ZDHHC17: variants seen among roughly 807,000 people sequenced by gnomAD.
ZDHHC17 encodes palmitoyltransferase ZDHHC17.
ZDHHC17 carries 40 observed loss-of-function variants against 90.3 expected under a neutral mutation model. The ratio of observed to expected loss-of-function variants is 0.44; its 90% CI spans 0.34 to 0.58. ZDHHC17 has a LOEUF of 0.58. Ranked by LOEUF, ZDHHC17 falls within the 20% of genes least tolerant of loss-of-function variation. The pLI is 0.01. For missense variants in ZDHHC17, 614 were observed against 780.8 expected (o/e 0.79, Z 2.55); for synonymous variants, 235 against 252.4 (o/e 0.93, Z 0.65).
chr12:76,824,751 G>T (rs1953209969), intron 8 of ZDHHC17, among the ~76,000 whole-genome samples: 1 of 151,426 alleles, frequency 6.6e-6, no homozygotes. Flanking sequence ...GCAGAGGCAG[G>T]AGGATTGGTT....
intron 2 of ZDHHC17, among the ~76,000 whole-genome samples, chr12:76,798,360 A>G (rs928794080): frequency 2.0e-5 from 3 of 152,196 alleles, no homozygotes; most frequent in Admixed American, 2.0e-4. Flanking sequence ...AAATAACAAC[A>G]GTTATTTTCA....
At chr12:76,848,111 G>T in intron 14 of ZDHHC17, 122 bp from the exon 15 acceptor site, 5 of 938,932 alleles carry the variant, frequency 5.3e-6, no homozygotes, top group South Asian at 1.9e-5. Flanking sequence ...ATTTGCTATT[G>T]AATGTCATCA....
chr12:76,788,045 C>T (rs1952711942), intron 1 of ZDHHC17, among the ~76,000 whole-genome samples: 1 of 152,094 alleles, frequency 6.6e-6, no homozygotes, highest in African/African-American at 2.4e-5. Flanking sequence ...TGTGCATAGC[C>T]ACTGTACTCT....
chr12:76,820,983 A>G, intron 7 of ZDHHC17: 1 of 892,590 alleles, frequency 1.1e-6, no homozygotes, highest in South Asian at 1.4e-5. Flanking sequence ...GAATAAAAGA[A>G]CTATACAAAA....
chr12:76,848,401 A>C lies in ZDHHC17; in HGVS notation c.1665+11A>C, dbSNP rs370466018. On this transcript the variant is annotated intron_variant, in intron 15 of 16. Coordinates refer to ENST00000426126, the MANE Select transcript of ZDHHC17 (RefSeq NM_015336.4). ...TGTCAGATGTACCAGGTATGTGCAA[A>C]GGCATTCTTTTTAGTGCACTAAGTG... is the stretch of plus-strand genomic sequence containing the variant. 2 of 1,612,022 alleles carry C rather than the reference A, an allele frequency of 1.2e-6. No individual in the cohort carries two copies. Among genetic ancestry groups the C allele is most frequent in the Non-Finnish European group, 1.7e-6 (2 of 1,178,602 alleles).
chr12:76,785,272 TATC>T (rs1395757759), intron 1 of ZDHHC17, among the ~76,000 whole-genome samples: 2 of 152,336 alleles, frequency 1.3e-5, no homozygotes, highest in African/African-American at 4.8e-5. Flanking sequence ...GACTAGATGA[TATC>T]ATCATTTACA....
At chr12:76,810,434 T>A (rs550451129) in intron 5 of ZDHHC17, among the ~76,000 whole-genome samples, 1 of 152,202 alleles carries the variant, frequency 6.6e-6, no homozygotes, top group African/African-American at 2.4e-5. Context: ...AGTTTTTCTT[T>A]AGTGTGTTTT....
chr12:76,825,544 G>A (rs1565795212), intron 8 of ZDHHC17, among the ~76,000 whole-genome samples: 1 of 151,972 alleles, frequency 6.6e-6, no homozygotes, highest in Non-Finnish European at 1.5e-5. Context: ...AAAAAGAATT[G>A]GATTAGTTAT....
chr12:76,800,182 C>A (rs552173660), intron 2 of ZDHHC17, among the ~76,000 whole-genome samples: 1 of 152,240 alleles, frequency 6.6e-6, no homozygotes, highest in South Asian at 2.1e-4. Flanking sequence ...ACAACAGAAA[C>A]TAGACAGACA....
chr12:76,818,248 A>G (rs777269688), intron 7 of ZDHHC17, among the ~76,000 whole-genome samples: 3 of 152,330 alleles, frequency 2.0e-5, no homozygotes, highest in East Asian at 3.9e-4. Context: ...TGCACTTTAT[A>G]TGTAATTAAA....
At chr12:76,803,908 G>A (rs777171916) in intron 2 of ZDHHC17, among the ~76,000 whole-genome samples, 2 of 152,166 alleles carry the variant, frequency 1.3e-5, no homozygotes, top group Non-Finnish European at 2.9e-5. Flanking sequence ...GGGGTGACTA[G>A]CTAGTTAAAT....
chr12:76,824,948 T>C (rs1248424006), intron 8 of ZDHHC17, among the ~76,000 whole-genome samples: 1 of 152,208 alleles, frequency 6.6e-6, no homozygotes, highest in Non-Finnish European at 1.5e-5. Context: ...TCTTAGATTT[T>C]TTACTTAGAA....
intron 10 of ZDHHC17, among the ~76,000 whole-genome samples, chr12:76,837,639 G>A (rs1442414645): frequency 1.3e-5 from 2 of 151,956 alleles, no homozygotes. Context: ...TTAAAATGGA[G>A]GTTATATTTG....
chr12:76,842,068 C>T lies in ZDHHC17; in HGVS notation c.1228C>T (p.Pro410Ser). ...TTTTGGAAAATCTTGGAAATCAGATCCAGGGATTATTAAAGCAACAGAAGA... is the reference window on the plus strand; with the variant it reads ...TTTTGGAAAATCTTGGAAATCAGATTCAGGGATTATTAAAGCAACAGAAGA... Reference protein sequence around the residue: ...YNFGKSWKSDPGIIKATEEQK... With the variant: ...YNFGKSWKSDSGIIKATEEQK... The change falls in exon 11 of 17, where the codon CCA (proline) becomes TCA (serine). Residue 410 changes from proline to serine, a missense_variant. By Grantham distance (74) the Pro-to-Ser change is moderately conservative. This residue lies in a region of ZDHHC17 where 117 missense variants were observed against 183.6 expected (regional missense o/e 0.64). Transcript: ENST00000426126. 1 of 1,597,204 alleles carries T rather than the reference C, an allele frequency of 6.3e-7. No homozygotes were observed. Among genetic ancestry groups the T allele is most frequent in the Non-Finnish European group, 8.5e-7 (1 of 1,172,478 alleles).
chr12:76,850,145 G>A (rs974627130), intron 16 of ZDHHC17, among the ~76,000 whole-genome samples: 5 of 151,930 alleles, frequency 3.3e-5, no homozygotes, highest in Non-Finnish European at 7.4e-5. Flanking sequence ...CTGAACTCCT[G>A]ACCTCATGAT....
intron 14 of ZDHHC17, among the ~76,000 whole-genome samples, 180 bp downstream of exon 14, chr12:76,846,859 T>C (rs1208832902): frequency 1.3e-5 from 2 of 152,214 alleles, no homozygotes; most frequent in African/African-American, 4.8e-5. Flanking sequence ...CAATATACAG[T>C]GTAAGCAAAC....
At position 76,848,157 on chromosome 12, in the gene ZDHHC17, G is replaced by T; in HGVS notation, c.1508-76G>T. ...GACTGTTTGACTATGTTTTCTAAATGGTGCCAGCACAAATGCCTATATGAG... is the reference window on the plus strand; with the variant it reads ...GACTGTTTGACTATGTTTTCTAAATTGTGCCAGCACAAATGCCTATATGAG... On this transcript the variant is annotated intron_variant, in intron 14 of 16. Transcript: ENST00000426126. 9.4e-6 allele frequency: 14 copies of T among 1,484,260 alleles called. No individual in the cohort carries two copies. In the South Asian group the frequency reaches 1.6e-4, roughly 17 times the overall value. 91.9% of individuals were successfully genotyped at this position (1,484,260 alleles called of 1,614,324 possible).
chr12:76,839,928 T>C (rs1240287725), intron 10 of ZDHHC17: 1 of 152,226 alleles, frequency 6.6e-6, no homozygotes, highest in African/African-American at 2.4e-5. Flanking sequence ...TTTATTGGCA[T>C]AGGAAATTGT....
At chr12:76,849,595 C>A in intron 16 of ZDHHC17, 125 bp downstream of exon 16, 2 of 596,816 alleles carry the variant, frequency 3.4e-6, no homozygotes, top group Non-Finnish European at 5.8e-6. Context: ...GTAGAAATAG[C>A]ATCAGTTCAC....
Sources: gnomAD v4.1 joint callset for allele counts (sites outside exome capture counted in the v4.1 genomes callset) on GRCh38, gnomAD v4.1.1 for gene constraint, gnomAD v4.1.1 regional missense constraint, MANE v1.5 for transcripts, NCBI Gene and HGNC (gene_info 2026-07-23, HGNC 2026-07-21) for gene names.